MAL: variants seen among roughly 807,000 people sequenced by gnomAD.
MAL encodes the protein myelin and lymphocyte protein.
Under a neutral mutation model 16.7 loss-of-function variants are expected in MAL, and 5 were observed. The observed-to-expected ratio is 0.30, with a 90% CI of 0.16 to 0.63. The LOEUF is 0.63. Among genes scored for constraint, MAL ranks in the 30% least tolerant of loss-of-function variants. The probability of loss-of-function intolerance (pLI) is 0.82; values close to 1 mark genes in which losing one functional copy is unlikely to be tolerated. For missense variants in MAL, 202 were observed against 195.8 expected (o/e 1.03, Z -0.19); for synonymous variants, 96 against 85.5 (o/e 1.12, Z -0.67).
At chr2:95,034,760 G>C (rs992483074) in intron 1 of MAL, among the ~76,000 whole-genome samples, 1 of 152,190 alleles carries the variant, frequency 6.6e-6, no homozygotes, top group Non-Finnish European at 1.5e-5. Context: ...TCTGTGGTCA[G>C]GTTGGGGGCA....
chr2:95,026,528 C>A (rs896856198), intron 1 of MAL: 2 of 111,132 alleles, frequency 1.8e-5, no homozygotes, highest in Admixed American at 2.3e-4. Context: ...TGGGGGGTGG[C>A]GGCGAGAGCG....
rs137867670 is a variant in MAL, at chr2:95,049,609, T to C, written c.290T>C (p.Leu97Pro). The change falls in exon 3 of 4, where the codon CTC (leucine) becomes CCC (proline). Residue 97 changes from leucine to proline, a missense_variant. Physicochemically the swap from Leu to Pro is moderately conservative, Grantham distance 98. Coordinates refer to ENST00000309988, the MANE Select transcript of MAL (RefSeq NM_002371.4). ...LDAAYHCTAA[L>P]FYLSASVLEA... Reference sequence around the variant, plus strand: ...GCAGCCTACCACTGCACCGCTGCCCTCTTTTACCTCAGCGCCTCAGTCCTG... The same window carrying C: ...GCAGCCTACCACTGCACCGCTGCCCCCTTTTACCTCAGCGCCTCAGTCCTG... The C allele has an allele frequency of 6.8e-6, 11 of 1,614,068 alleles. No individual in the cohort carries two copies. In the African/African-American group the frequency reaches 1.3e-4, roughly 20 times the overall value.
At chr2:95,042,494 C>T (rs1336450733) in intron 1 of MAL, among the ~76,000 whole-genome samples, 1 of 152,124 alleles carries the variant, frequency 6.6e-6, no homozygotes, top group Non-Finnish European at 1.5e-5. Context: ...AGGCCCCACT[C>T]CCATCTTCTA....
At chr2:95,028,264 A>T (rs538624807) in intron 1 of MAL, among the ~76,000 whole-genome samples, 1 of 152,002 alleles carries the variant, frequency 6.6e-6, no homozygotes, top group South Asian at 2.1e-4. Flanking sequence ...CAGAGGTTGC[A>T]GTAAGCCGAG....
chr2:95,039,192 GTGAC>G lies in MAL; in HGVS notation c.94-8763_94-8760del, dbSNP rs1411333513. Among the ~76,000 whole-genome samples the G allele has an allele frequency of 2.8e-5, 4 of 144,944 alleles. No individual in the cohort carries two copies. The East Asian group carries it at 7.9e-4, about 28-fold the overall frequency. On this transcript the variant is annotated intron_variant, in intron 1 of 3. Transcript: ENST00000309988. ...AGTGAGTGACTTGGTGAGTGAGTGA[GTGAC>G]TGAGTGAGTGACTGAGTGAGTGAGT... is the stretch of plus-strand genomic sequence containing the variant.
intron 1 of MAL, among the ~76,000 whole-genome samples, chr2:95,043,527 C>T (rs921267172): frequency 2.0e-5 from 3 of 152,192 alleles, no homozygotes; most frequent in African/African-American, 7.2e-5. Flanking sequence ...CCTCTGAGAA[C>T]GGGAGTCCCC....
chr2:95,052,334 G>T (rs182324905), intron 3 of MAL, among the ~76,000 whole-genome samples: 1 of 152,300 alleles, frequency 6.6e-6, no homozygotes, highest in African/African-American at 2.4e-5. Context: ...AGGTGCTTCT[G>T]CCAAAGGCTT....
chr2:95,046,044 G>C (rs1395909524), intron 1 of MAL, among the ~76,000 whole-genome samples: 1 of 152,146 alleles, frequency 6.6e-6, no homozygotes, highest in Non-Finnish European at 1.5e-5. Context: ...GATTCCTTAG[G>C]GACAACTTGG....
chr2:95,038,395 A>C (rs1674312571), intron 1 of MAL, among the ~76,000 whole-genome samples: 1 of 151,666 alleles, frequency 6.6e-6, no homozygotes, highest in Non-Finnish European at 1.5e-5. Context: ...TGAGTGAGTG[A>C]GTGAGCAAGT....
chr2:95,038,902 GAGTGACTA>G, intron 1 of MAL, among the ~76,000 whole-genome samples: 1 of 151,928 alleles, frequency 6.6e-6, no homozygotes. Context: ...GTGGGTGAGT[GAGTGACTA>G]AGTGAGTGAC....
chr2:95,027,810 C>G, intron 1 of MAL, among the ~76,000 whole-genome samples: 1 of 152,156 alleles, frequency 6.6e-6, no homozygotes. Context: ...CTCCCGGGTT[C>G]ACGCCATTCT....
At chr2:95,046,206 G>A (rs1315511740) in intron 1 of MAL, among the ~76,000 whole-genome samples, 1 of 152,218 alleles carries the variant, frequency 6.6e-6, no homozygotes, top group Non-Finnish European at 1.5e-5. Flanking sequence ...GGGAGGTGGG[G>A]GGGTCAAGGT....
intron 3 of MAL, among the ~76,000 whole-genome samples, chr2:95,050,143 A>C (rs1176360637): frequency 6.6e-6 from 1 of 152,168 alleles, no homozygotes; most frequent in Non-Finnish European, 1.5e-5. Context: ...CTGGAGGCCC[A>C]GTCCCCACAC....
chr2:95,033,626 A>G (rs1396154999), intron 1 of MAL, among the ~76,000 whole-genome samples: 3 of 152,010 alleles, frequency 2.0e-5, no homozygotes, highest in African/African-American at 4.8e-5. Context: ...AAAAATGTAA[A>G]CAATTAGCCA....
chr2:95,050,242 G>T (rs576694490), intron 3 of MAL, among the ~76,000 whole-genome samples: 1 of 152,230 alleles, frequency 6.6e-6, no homozygotes, highest in African/African-American at 2.4e-5. Context: ...CCAGCCAGGG[G>T]TGGGGACGCT....
chr2:95,048,967 C>T (rs1674652071), intron 2 of MAL, among the ~76,000 whole-genome samples: 1 of 152,100 alleles, frequency 6.6e-6, no homozygotes, highest in African/African-American at 2.4e-5. Context: ...CAGGCATGTG[C>T]CACCACACCC....
chr2:95,025,939 T>C lies in MAL; in HGVS notation c.93+54T>C. On this transcript the variant is annotated intron_variant, in intron 1 of 3. Transcript: ENST00000309988. This position sits in a 1 kb window ranked among gnomAD's most constrained non-coding sequence, Gnocchi z 5.6. ...GGGGTGGGCTGAGCCGTGCGCTCTC[T>C]CGGGCGCCCAGCACAGCTGTCGGAC... The C allele has an allele frequency of 6.9e-7, 1 of 1,442,714 alleles. No homozygotes were observed. Among genetic ancestry groups the C allele is most frequent in the Non-Finnish European group, 9.4e-7 (1 of 1,066,342 alleles). 89.4% of individuals were successfully genotyped at this position (1,442,714 alleles called of 1,614,324 possible).
intron 1 of MAL, among the ~76,000 whole-genome samples, chr2:95,028,594 G>T (rs184563477): frequency 1.3e-5 from 2 of 152,056 alleles, no homozygotes; most frequent in African/African-American, 4.8e-5. Context: ...TCCAAGCAGG[G>T]ACTTTAGTAT....
intron 1 of MAL, among the ~76,000 whole-genome samples, chr2:95,030,167 A>C (rs1472595368): frequency 1.3e-5 from 2 of 152,186 alleles, no homozygotes; most frequent in Non-Finnish European, 2.9e-5. Flanking sequence ...CCCCTATCCC[A>C]GACCTCCTGA....
Sources: gnomAD v4.1 joint callset for allele counts (sites outside exome capture counted in the v4.1 genomes callset) on GRCh38, gnomAD v4.1.1 for gene constraint, Gnocchi (gnomAD v3.1) non-coding constraint, MANE v1.5 for transcripts, NCBI Gene and HGNC (gene_info 2026-07-23, HGNC 2026-07-21) for gene names.